The following NCOA7 variants were observed in gnomAD, a reference collection of about 807,000 sequenced individuals.
NCOA7 encodes 140 kDa estrogen receptor-associated protein.
In NCOA7, 45 loss-of-function variants were observed where a neutral mutation model predicts 104.3. The ratio of observed to expected loss-of-function variants is 0.43; its 90% CI spans 0.34 to 0.55. The LOEUF is 0.55. Ranked by LOEUF, NCOA7 falls within the 20% of genes least tolerant of loss-of-function variation. The probability of loss-of-function intolerance (pLI) is 0.02; values close to 1 mark genes in which losing one functional copy is unlikely to be tolerated. For missense variants in NCOA7, 1,041 were observed against 1,119.7 expected, an observed-to-expected ratio of 0.93 and a Z score of 1.00; for synonymous variants, 398 against 402.3, an observed-to-expected ratio of 0.99 and a Z score of 0.13.
intron 1 of NCOA7, among the ~76,000 whole-genome samples, chr6:125,794,186 C>T (rs971943631): frequency 2.0e-5 from 3 of 152,154 alleles, no homozygotes; most frequent in Non-Finnish European, 4.4e-5. Context: ...GATCATGGTA[C>T]TTTCTATAGT....
intron 10 of NCOA7, among the ~76,000 whole-genome samples, chr6:125,896,378 T>C (rs1785020155): frequency 6.6e-6 from 1 of 152,186 alleles, no homozygotes; most frequent in African/African-American, 2.4e-5. Flanking sequence ...AAGAAACAAA[T>C]GTAGCTATAA....
intron 10 of NCOA7, among the ~76,000 whole-genome samples, chr6:125,891,644 A>G (rs1011445678): frequency 3.3e-5 from 5 of 152,216 alleles, no homozygotes; most frequent in Non-Finnish European, 5.9e-5. Context: ...CCATAGCATG[A>G]TTTCTCAGTA....
chr6:125,791,653 G>A (rs1037629436), intron 1 of NCOA7, among the ~76,000 whole-genome samples: 1 of 152,182 alleles, frequency 6.6e-6, no homozygotes, highest in Admixed American at 6.5e-5. Flanking sequence ...ATGAGGCTGG[G>A]ATATTGTTGT....
In NCOA7 at chr6:125,795,339, A is replaced by G. The variant is rs111875685; in HGVS notation, c.-65+4272A>G. 1.5e-4 allele frequency among the ~76,000 whole-genome samples: 23 copies of G among 152,202 alleles called. 1 individual carries two copies. The highest frequency in any genetic ancestry group is 3.4e-3 in the Middle Eastern group (1 of 294). ...TGATAACCTTCATGTCTTTTTTTAA[A>G]TTTATTTTTAGAATAGGTAGTATCC... On this transcript the variant is annotated intron_variant, in intron 1 of 15. Coordinates refer to ENST00000392477, the MANE Select transcript of NCOA7 (RefSeq NM_181782.5).
intron 7 of NCOA7, among the ~76,000 whole-genome samples, chr6:125,884,707 T>C (rs1784121564): frequency 6.6e-6 from 1 of 152,242 alleles, no homozygotes. Context: ...ACTGTAACTC[T>C]GAAACAGCTG....
intron 6 of NCOA7, 89 bp downstream of exon 6, chr6:125,881,292 A>G: frequency 4.2e-6 from 4 of 950,074 alleles, no homozygotes; most frequent in Non-Finnish European, 6.6e-6. Flanking sequence ...ACAAGATTAC[A>G]TCTGAAATTC....
At chr6:125,893,589 G>C (rs146449610) in intron 10 of NCOA7, among the ~76,000 whole-genome samples, 1 of 152,102 alleles carries the variant, frequency 6.6e-6, no homozygotes, top group Non-Finnish European at 1.5e-5. Context: ...ACCATGGAGA[G>C]GGCGGGGCTG....
chr6:125,875,101 G>A (rs1365897973), intron 4 of NCOA7, 133 bp downstream of exon 4: 3 of 589,632 alleles, frequency 5.1e-6, no homozygotes, highest in Non-Finnish European at 9.0e-6. Flanking sequence ...CTTAAGACCA[G>A]TTTTAGGTCA....
intron 13 of NCOA7, among the ~76,000 whole-genome samples, chr6:125,926,332 G>T (rs1788029107): frequency 1.3e-5 from 2 of 151,662 alleles, no homozygotes; most frequent in African/African-American, 2.4e-5. Context: ...AAAGGGAGGG[G>T]GGTGGTGGAA....
chr6:125,854,942 C>T (rs1781425782), intron 2 of NCOA7, 78 bp from the exon 3 acceptor site: 1 of 935,420 alleles, frequency 1.1e-6, no homozygotes, highest in African/African-American at 1.7e-5. Context: ...TTTCAAAGTC[C>T]AGCAGCGTGA....
chr6:125,899,940 A>G, intron 10 of NCOA7: 1 of 528,420 alleles, frequency 1.9e-6, no homozygotes, highest in South Asian at 1.4e-5. Flanking sequence ...GCTTGGAGAC[A>G]AGTAGCTTTG....
intron 1 of NCOA7, among the ~76,000 whole-genome samples, chr6:125,807,472 C>G (rs942347139): frequency 6.6e-6 from 1 of 152,120 alleles, no homozygotes; most frequent in Non-Finnish European, 1.5e-5. Context: ...AGTGGAATTA[C>G]CCAACTGTAA....
chr6:125,902,450 G>T (rs958259865), intron 10 of NCOA7, among the ~76,000 whole-genome samples: 2 of 151,136 alleles, frequency 1.3e-5, no homozygotes, highest in African/African-American at 4.9e-5. Context: ...ACTTAGAAAT[G>T]TATGGTTTTT....
rs1343964264 is a variant in NCOA7 at position 125,815,306 on chromosome 6, A to AT, written c.-47dup. On this transcript the variant is annotated 5_prime_UTR_variant, in exon 2 of 16. An upstream open reading frame in the 5' UTR loses its in-frame stop. Coordinates refer to ENST00000392477, the MANE Select transcript of NCOA7 (RefSeq NM_181782.5). ...TTTCTTACAGGGTTACGACTCACTG[A>AT]TTAAAAAGAGGGACTTTTTCAAATA... 6.9e-7 allele frequency: 1 copy of AT among 1,450,776 alleles called. No individual in the cohort carries two copies. The highest frequency in any genetic ancestry group is 1.4e-5 in the African/African-American group (1 of 71,020). 89.9% of individuals were successfully genotyped at this position (1,450,776 alleles called of 1,614,324 possible). A position where few individuals can be genotyped will look rare whatever the true frequency, so the allele number is the denominator to read the frequency against.
chr6:125,798,690 A>T (rs753848789), intron 1 of NCOA7, among the ~76,000 whole-genome samples: 5 of 152,230 alleles, frequency 3.3e-5, no homozygotes, highest in Admixed American at 1.3e-4. Context: ...TTGCATAGAA[A>T]ACAGGAAAGT....
intron 10 of NCOA7, among the ~76,000 whole-genome samples, chr6:125,897,430 C>G (rs1314230454): frequency 1.3e-5 from 2 of 151,982 alleles, no homozygotes; most frequent in Non-Finnish European, 2.9e-5. Flanking sequence ...TAGAGCAGAG[C>G]CTTAAGCTCA....
chr6:125,906,229 C>T (rs960049079), intron 10 of NCOA7, among the ~76,000 whole-genome samples: 3 of 152,034 alleles, frequency 2.0e-5, no homozygotes, highest in Non-Finnish European at 4.4e-5. Context: ...AGCAGTTACT[C>T]CTTTTGAAGA....
rs372823012 is a variant in NCOA7 at position 125,889,581 on chromosome 6, C to T, written c.1527C>T (p.Asn509=). 1 of 1,613,898 alleles carries T rather than the reference C, an allele frequency of 6.2e-7. No homozygotes were observed. The highest frequency in any genetic ancestry group is 8.5e-7 in the Non-Finnish European group (1 of 1,179,956). Residue 509 remains asparagine (N), a synonymous_variant, in exon 9 of 16, where the codon AAC becomes AAT. Transcript: ENST00000392477. ...QSGSPESRVE[N]TLNIHEDLDK... ...GTTCGCCAGAAAGCCGAGTAGAAAA[C>T]ACACTGAACATACATGAAGATTTAG...
intron 2 of NCOA7, among the ~76,000 whole-genome samples, chr6:125,816,783 T>C (rs1351847415): frequency 1.3e-5 from 2 of 152,232 alleles, no homozygotes; most frequent in African/African-American, 4.8e-5. Context: ...ACCAGCCTTA[T>C]TCAGAGCATT....
Sources: gnomAD v4.1 joint callset for allele counts (sites outside exome capture counted in the v4.1 genomes callset) on GRCh38, gnomAD v4.1.1 for gene constraint, MANE v1.5 for transcripts, NCBI Gene and HGNC (gene_info 2026-07-23, HGNC 2026-07-21) for gene names.